MYT1L: variants seen among roughly 807,000 people sequenced by gnomAD.
MYT1L encodes the protein myelin transcription factor 1 like.
Under a neutral mutation model 126.7 loss-of-function variants are expected in MYT1L, and 12 were observed. The ratio of observed to expected loss-of-function variants is 0.09; its 90% confidence interval spans 0.06 to 0.15. The LOEUF (loss-of-function observed/expected upper bound fraction) is 0.15, where lower values mean the gene tolerates loss of function less well. MYT1L is among the 10% of genes least tolerant of loss of function. MYT1L has a pLI of 1.00. For missense variants in MYT1L, 979 were observed against 1,585.2 expected, an observed-to-expected ratio of 0.62 and a Z score of 6.49; for synonymous variants, 541 against 604.2, an observed-to-expected ratio of 0.90 and a Z score of 1.53.
At chr2:1,945,770 C>T (rs758037191) in intron 8 of MYT1L, among the ~76,000 whole-genome samples, 1 of 152,112 alleles carries the variant, frequency 6.6e-6, no homozygotes, top group Non-Finnish European at 1.5e-5. Flanking sequence ...GAAACTTTTG[C>T]TATTTTTTAT....
chr2:1,851,765 C>A, intron 18 of MYT1L, 62 bp from the exon 19 acceptor site: 1 of 1,508,266 alleles, frequency 6.6e-7, no homozygotes, highest in Non-Finnish European at 9.2e-7. Flanking sequence ...GAACAATTAA[C>A]TTTTTTTTAA....
At chr2:1,952,825 C>T (rs1383651064) in intron 8 of MYT1L, among the ~76,000 whole-genome samples, 1 of 86,704 alleles carries the variant, frequency 1.2e-5, no homozygotes, top group Non-Finnish European at 2.2e-5. Flanking sequence ...TCCTCTCTCC[C>T]TCCCTCCTTC....
chr2:2,008,983 A>G (rs2063572913), intron 4 of MYT1L, among the ~76,000 whole-genome samples: 2 of 152,090 alleles, frequency 1.3e-5, no homozygotes, highest in African/African-American at 4.8e-5. Flanking sequence ...GTCAAAAATT[A>G]GTTGCGCATA....
chr2:2,211,169 A>G (rs527609549), intron 2 of MYT1L, among the ~76,000 whole-genome samples: 1 of 152,336 alleles, frequency 6.6e-6, no homozygotes, highest in Admixed American at 6.5e-5. Context: ...ATCTGCAAAT[A>G]GGTATAATTG....
chr2:2,032,423 C>T (rs1402326404), intron 4 of MYT1L, among the ~76,000 whole-genome samples: 1 of 82,820 alleles, frequency 1.2e-5, no homozygotes, highest in East Asian at 4.4e-4. Context: ...CACACACCCT[C>T]GCCAGTGCCT....
At chr2:2,095,760 C>T (rs765541144) in intron 3 of MYT1L, among the ~76,000 whole-genome samples, 3 of 152,206 alleles carry the variant, frequency 2.0e-5, no homozygotes, top group Non-Finnish European at 2.9e-5. Context: ...GGTGACTCCA[C>T]GGCTCTCCTC....
chr2:2,159,675 T>C (rs1378582648), intron 3 of MYT1L, among the ~76,000 whole-genome samples: 2 of 152,000 alleles, frequency 1.3e-5, no homozygotes, highest in African/African-American at 4.8e-5. Flanking sequence ...GAGAATTGAA[T>C]ATCTCTTCAA....
intron 10 of MYT1L, among the ~76,000 whole-genome samples, chr2:1,920,508 A>G (rs771770044): frequency 2.6e-4 from 39 of 152,174 alleles, no homozygotes; most frequent in Non-Finnish European, 4.1e-4. Context: ...CATAAGCCTA[A>G]GCTCAATCAG....
chr2:2,233,220 A>T (rs977497059), intron 2 of MYT1L, among the ~76,000 whole-genome samples: 3 of 152,228 alleles, frequency 2.0e-5, no homozygotes, highest in African/African-American at 7.2e-5. Context: ...AGGTCAGATG[A>T]TCAGCGAGTG....
chr2:2,271,594 A>C (rs1033794670), intron 2 of MYT1L, among the ~76,000 whole-genome samples: 2 of 152,220 alleles, frequency 1.3e-5, no homozygotes, highest in South Asian at 4.1e-4. Context: ...GCTGCCATAC[A>C]AAGTGCCATA....
chr2:2,307,401 A>G (rs1220281185), intron 1 of MYT1L, among the ~76,000 whole-genome samples: 1 of 152,104 alleles, frequency 6.6e-6, no homozygotes. Flanking sequence ...ATGACAGGCT[A>G]CTCTAAAGTA....
intron 21 of MYT1L, among the ~76,000 whole-genome samples, chr2:1,818,327 G>C (rs1256468003): frequency 6.6e-6 from 1 of 152,180 alleles, no homozygotes; most frequent in Non-Finnish European, 1.5e-5. Flanking sequence ...GCCAGGTGCT[G>C]TCTGCGATTC....
At chr2:1,994,334 C>T (rs940709146) in intron 5 of MYT1L, among the ~76,000 whole-genome samples, 2 of 150,692 alleles carry the variant, frequency 1.3e-5, no homozygotes, top group Admixed American at 6.6e-5. Flanking sequence ...GCTCCCTCCT[C>T]CCAGCGAGTC....
At chr2:1,930,976 G>A (rs554179225) in intron 9 of MYT1L, among the ~76,000 whole-genome samples, 8 of 152,284 alleles carry the variant, frequency 5.3e-5, no homozygotes, top group Admixed American at 1.3e-4. Context: ...TAGAGGGGCC[G>A]GAGGACCTGT....
intron 3 of MYT1L, among the ~76,000 whole-genome samples, chr2:2,166,024 G>C (rs547606961): frequency 6.6e-6 from 1 of 152,192 alleles, no homozygotes; most frequent in South Asian, 2.1e-4. Flanking sequence ...TATTATGAGA[G>C]CTATGGGGAA....
chr2:1,802,016 A>T (rs1290028102), intron 22 of MYT1L: 3 of 473,720 alleles, frequency 6.3e-6, no homozygotes, highest in Non-Finnish European at 1.1e-5. Context: ...AAAGGAACAA[A>T]CAATTGAGAC....
chr2:2,308,509 C>A (rs1205736508), intron 1 of MYT1L, among the ~76,000 whole-genome samples: 1 of 151,902 alleles, frequency 6.6e-6, no homozygotes, highest in Admixed American at 6.6e-5. Context: ...GTACACTCTA[C>A]ATATACCTTG....
intron 2 of MYT1L, among the ~76,000 whole-genome samples, chr2:2,242,759 A>G (rs554069311): frequency 4.1e-4 from 63 of 152,348 alleles, no homozygotes; most frequent in Admixed American, 9.1e-4. Context: ...GTGAGTGGGC[A>G]TACACCTAAA....
rs1293298658 is a variant in MYT1L at position 2,228,613 on chromosome 2, A to G, written c.-420-55625T>C. The stretch of plus-strand genomic sequence containing the variant: ...GATTAAAAGCAAAAATTTTAAGCTA[A>G]TAATATAAATTGCAGTCTAGAAACC... On this transcript the variant is annotated intron_variant, in intron 2 of 24. Coordinates refer to ENST00000647738, the MANE Select transcript of MYT1L (RefSeq NM_001303052.2). This position sits in a 1 kb window ranked among gnomAD's most constrained non-coding sequence, Gnocchi z 5.9. Among the ~76,000 whole-genome samples, 1 of 152,214 alleles carries G rather than the reference A, an allele frequency of 6.6e-6. No homozygotes were observed. The highest frequency in any genetic ancestry group is 6.5e-5 in the Admixed American group (1 of 15,290).
Sources: allele counts gnomAD v4.1 joint callset (sites outside exome capture counted in the v4.1 genomes callset), GRCh38; gene constraint gnomAD v4.1.1; non-coding constraint Gnocchi (gnomAD v3.1); transcripts MANE v1.5; gene names NCBI Gene and HGNC (gene_info 2026-07-23, HGNC 2026-07-21).